Variants in FAM135B observed in about 807,000 individuals in gnomAD.
The protein encoded by FAM135B is family with sequence similarity 135 member B.
In FAM135B, 43 loss-of-function variants were observed where a neutral mutation model predicts 127.7. The observed-to-expected ratio is 0.34, with a 90% confidence interval of 0.26 to 0.43. The LOEUF (loss-of-function observed/expected upper bound fraction) is 0.43, where lower values mean the gene tolerates loss of function less well. FAM135B is among the 20% of genes least tolerant of loss of function. The pLI, the probability that FAM135B is intolerant of heterozygous loss-of-function variation, is 1.00. For synonymous variants in FAM135B, 670 were observed against 665.1 expected (o/e 1.01, Z -0.11); for missense variants, 1,558 against 1,725.6 (o/e 0.90, Z 1.72).
chr8:138,393,968 T>G (rs905830615), intron 1 of FAM135B, among the ~76,000 whole-genome samples: 8 of 152,062 alleles, frequency 5.3e-5, no homozygotes, highest in Admixed American at 2.0e-4. Flanking sequence ...AAGTGGGGTT[T>G]GGGGGCAGTT....
intron 9 of FAM135B, among the ~76,000 whole-genome samples, chr8:138,182,776 C>A (rs143837932): frequency 2.4e-3 from 371 of 152,312 alleles, no homozygotes; most frequent in Non-Finnish European, 4.2e-3. Flanking sequence ...ATGAACAAAC[C>A]GCGCTCTCTC....
intron 1 of FAM135B, among the ~76,000 whole-genome samples, chr8:138,375,748 T>C (rs16909004): frequency 6.6e-6 from 1 of 152,180 alleles, no homozygotes; most frequent in African/African-American, 2.4e-5. Context: ...ATCATCATTA[T>C]CCAGAATGGT....
chr8:138,286,123 A>C (rs1391930227), intron 3 of FAM135B, among the ~76,000 whole-genome samples: 1 of 152,246 alleles, frequency 6.6e-6, no homozygotes, highest in Admixed American at 6.5e-5. Context: ...AAAATAAATA[A>C]AAATAGAAGA....
rs80085858 is a variant in FAM135B, at chr8:138,414,407, C to G, written c.-19-46405G>C. On this transcript the variant is annotated intron_variant, in intron 1 of 19. Coordinates refer to ENST00000395297, the MANE Select transcript of FAM135B (RefSeq NM_015912.4). ...AAGAGATGTTTTCTTCTAGTACAGA[C>G]TGTTGTTCCTGTTCTACCTATAATC... 6.9e-3 allele frequency among the ~76,000 whole-genome samples: 1,051 copies of G among 152,170 alleles called. 7 individuals carry two copies. The highest frequency in any genetic ancestry group is 0.011 in the Non-Finnish European group (759 of 68,000).
At chr8:138,168,321 T>A (rs544780493) in intron 11 of FAM135B, among the ~76,000 whole-genome samples, 1 of 152,322 alleles carries the variant, frequency 6.6e-6, no homozygotes, top group East Asian at 1.9e-4. Context: ...TTTAGTGGAA[T>A]ATAATAAATA....
chr8:138,328,918 T>A (rs1243518808), intron 2 of FAM135B, among the ~76,000 whole-genome samples: 3 of 152,196 alleles, frequency 2.0e-5, no homozygotes, highest in Non-Finnish European at 4.4e-5. Context: ...GTATATACTG[T>A]ATGTACTCAG....
At chr8:138,455,861 T>C (rs1245175166) in intron 1 of FAM135B, among the ~76,000 whole-genome samples, 1 of 152,128 alleles carries the variant, frequency 6.6e-6, no homozygotes, top group African/African-American at 2.4e-5. Flanking sequence ...TCCTACTGGA[T>C]TGGTTTGGAA....
intron 1 of FAM135B, among the ~76,000 whole-genome samples, chr8:138,412,088 A>G (rs1398008696): frequency 6.6e-6 from 1 of 152,184 alleles, no homozygotes; most frequent in Non-Finnish European, 1.5e-5. Context: ...AAGGAGGGCA[A>G]GGGCTGAAAA....
At chr8:138,405,579 T>C (rs961837429) in intron 1 of FAM135B, among the ~76,000 whole-genome samples, 1 of 152,052 alleles carries the variant, frequency 6.6e-6, no homozygotes, top group Non-Finnish European at 1.5e-5. Flanking sequence ...TTCCATGGTG[T>C]ATATGTGCCA....
intron 7 of FAM135B, among the ~76,000 whole-genome samples, chr8:138,211,668 G>A (rs560312125): frequency 1.3e-5 from 2 of 152,314 alleles, no homozygotes; most frequent in Admixed American, 6.5e-5. Flanking sequence ...TTGACTGTTT[G>A]TTATCTGCTA....
At chr8:138,386,035 G>A (rs567009743) in intron 1 of FAM135B, among the ~76,000 whole-genome samples, 12 of 151,768 alleles carry the variant, frequency 7.9e-5, no homozygotes, top group Non-Finnish European at 1.6e-4. Context: ...AGCCTGACAC[G>A]GTGAAACCTC....
chr8:138,206,090 A>C (rs1817532020), intron 7 of FAM135B, among the ~76,000 whole-genome samples: 1 of 136,560 alleles, frequency 7.3e-6, no homozygotes, highest in African/African-American at 2.8e-5. Flanking sequence ...CTCTCCACAT[A>C]CCCAGGGCTC....
At chr8:138,230,736 T>G (rs941615461) in intron 7 of FAM135B, among the ~76,000 whole-genome samples, 6 of 152,192 alleles carry the variant, frequency 3.9e-5, no homozygotes, top group African/African-American at 1.4e-4. Context: ...GGGGACTATA[T>G]GTTTTTTAAA....
intron 7 of FAM135B, among the ~76,000 whole-genome samples, chr8:138,207,978 T>C (rs1586777243): frequency 6.6e-6 from 1 of 152,226 alleles, no homozygotes. Context: ...ATCTGCAATT[T>C]GTCCTATCCA....
At position 138,430,675 on chromosome 8, in the gene FAM135B, G is replaced by C. The variant is rs145767048; in HGVS notation, c.-19-62673C>G. 5.8e-3 allele frequency among the ~76,000 whole-genome samples: 877 copies of C among 152,312 alleles called. 5 individuals are homozygous for C. The highest frequency in any genetic ancestry group is 6.1e-3 in the Non-Finnish European group (418 of 68,028). The stretch of plus-strand genomic sequence containing the variant: ...TTAAGCCAGGTGGCAGAGTTGGCCT[G>C]GGTTCGAGGACGGGGGTAAAAAGAC... On this transcript the variant is annotated intron_variant, in intron 1 of 19. Coordinates refer to ENST00000395297, the MANE Select transcript of FAM135B (RefSeq NM_015912.4).
intron 1 of FAM135B, among the ~76,000 whole-genome samples, chr8:138,426,014 CACACACATACATAT>C (rs1834848788): frequency 3.6e-5 from 2 of 55,184 alleles, no homozygotes; most frequent in African/African-American, 8.1e-5. Context: ...TATATATATA[CACACACATACATAT>C]ACACACACAC....
At chr8:138,452,410 C>A (rs1836545427) in intron 1 of FAM135B, among the ~76,000 whole-genome samples, 1 of 152,008 alleles carries the variant, frequency 6.6e-6, no homozygotes, top group African/African-American at 2.4e-5. Flanking sequence ...CATGAGCCAC[C>A]TCGCCTGGCC....
chr8:138,211,905 T>A (rs1452020140), intron 7 of FAM135B, among the ~76,000 whole-genome samples: 3 of 151,950 alleles, frequency 2.0e-5, no homozygotes, highest in Non-Finnish European at 4.4e-5. Flanking sequence ...TCGTCTCTAC[T>A]AAAAATACAA....
chr8:138,198,935 A>C (rs62530868), intron 7 of FAM135B, among the ~76,000 whole-genome samples: 19,543 of 152,200 alleles, frequency 0.13, 1,558 homozygotes, highest in East Asian at 0.38. Flanking sequence ...CATGGCCGTG[A>C]CGGGAGGAGG....
Sources: allele counts gnomAD v4.1 joint callset (sites outside exome capture counted in the v4.1 genomes callset), GRCh38; gene constraint gnomAD v4.1.1; transcripts MANE v1.5; gene names NCBI Gene and HGNC (gene_info 2026-07-23, HGNC 2026-07-21).